SPPL3: variants seen among roughly 807,000 people sequenced by gnomAD.
The protein encoded by SPPL3 is signal peptide peptidase-like 3.
In SPPL3, 5 loss-of-function variants were observed where a neutral mutation model predicts 42.4. The observed-to-expected ratio is 0.12, with a 90% CI of 0.06 to 0.25. The LOEUF (loss-of-function observed/expected upper bound fraction) is 0.25. Ranked by LOEUF, SPPL3 falls within the 10% of genes least tolerant of loss-of-function variation. The pLI, the probability that SPPL3 is intolerant of heterozygous loss-of-function variation, is 1.00. For synonymous variants in SPPL3, 195 were observed against 181.8 expected, an observed-to-expected ratio of 1.07 and a Z score of -0.58; for missense variants, 235 against 489.0, an observed-to-expected ratio of 0.48 and a Z score of 4.90.
At chr12:120,817,759 C>A (rs1870929605) in intron 1 of SPPL3, among the ~76,000 whole-genome samples, 1 of 152,186 alleles carries the variant, frequency 6.6e-6, no homozygotes, top group Admixed American at 6.5e-5. Flanking sequence ...TAAAAATGAG[C>A]ACAGAGCGGT....
At position 120,895,291 on chromosome 12, in the gene SPPL3, T is replaced by C. The variant is rs114373992; in HGVS notation, c.23+8554A>G. On this transcript the variant is annotated intron_variant, in intron 1 of 10. Coordinates refer to ENST00000353487, the MANE Select transcript of SPPL3 (RefSeq NM_139015.5). The stretch of plus-strand genomic sequence containing the variant: ...AAAAATACAAAATTAGCCGCGTGTA[T>C]TGGCGCGCAGCTATAAACCCAGCTA... Among the ~76,000 whole-genome samples the C allele has an allele frequency of 5.9e-3, 892 of 151,554 alleles. 12 individuals are homozygous for C. The highest frequency in any genetic ancestry group is 0.019 in the African/African-American group (805 of 41,284).
At position 120,880,311 on chromosome 12, in the gene SPPL3, C is replaced by T. The variant is rs550991421; in HGVS notation, c.23+23534G>A. ...AAAAACATACAAATAAGAGCTAAAA[C>T]TAAAAACCCTTAGAAGAAAAAAGAG... is the stretch of plus-strand genomic sequence containing the variant. On this transcript the variant is annotated intron_variant, in intron 1 of 10. Coordinates refer to ENST00000353487, the MANE Select transcript of SPPL3 (RefSeq NM_139015.5). Among the ~76,000 whole-genome samples the T allele has an allele frequency of 4.6e-5, 7 of 152,022 alleles. No homozygotes were observed. The South Asian group carries it at 1.5e-3, about 32-fold the overall frequency.
chr12:120,831,097 T>G lies in SPPL3; in HGVS notation c.24-20211A>C, dbSNP rs139645003. 1.6e-3 allele frequency among the ~76,000 whole-genome samples: 246 copies of G among 151,896 alleles called. 6 individuals carry two copies. Among genetic ancestry groups the G allele is most frequent in the Admixed American group, 0.012 (190 of 15,264 alleles). On this transcript the variant is annotated intron_variant, in intron 1 of 10. Coordinates refer to ENST00000353487, the MANE Select transcript of SPPL3 (RefSeq NM_139015.5). Reference sequence around the variant, plus strand: ...TCTCTCTCTCTCTCTCTCCTTGAGGTGAAACATTCAACTTCGGTCCTTAGA... The same window carrying G: ...TCTCTCTCTCTCTCTCTCCTTGAGGGGAAACATTCAACTTCGGTCCTTAGA...
At chr12:120,844,113 G>A (rs1871935899) in intron 1 of SPPL3, among the ~76,000 whole-genome samples, 1 of 152,092 alleles carries the variant, frequency 6.6e-6, no homozygotes, top group African/African-American at 2.4e-5. Context: ...TGGCTAATAG[G>A]TATCTTAAAC....
intron 8 of SPPL3, among the ~76,000 whole-genome samples, chr12:120,767,800 CT>C (rs1394920101): frequency 6.6e-6 from 1 of 152,066 alleles, no homozygotes; most frequent in African/African-American, 2.4e-5. Context: ...CTTGGCCCCC[CT>C]GTTTCAGGAG....
chr12:120,786,641 A>C (rs1869731451), intron 3 of SPPL3, among the ~76,000 whole-genome samples: 1 of 152,008 alleles, frequency 6.6e-6, no homozygotes, highest in African/African-American at 2.4e-5. Context: ...TATTAGATAG[A>C]ATGCACAGAT....
At chr12:120,853,863 T>G (rs1032063316) in intron 1 of SPPL3, among the ~76,000 whole-genome samples, 1 of 152,046 alleles carries the variant, frequency 6.6e-6, no homozygotes, top group Admixed American at 6.6e-5. Context: ...GAAAAACTAC[T>G]GAATATATTA....
At chr12:120,821,384 A>G (rs148984021) in intron 1 of SPPL3, among the ~76,000 whole-genome samples, 9 of 152,346 alleles carry the variant, frequency 5.9e-5, no homozygotes, top group African/African-American at 2.2e-4. Context: ...TGTGTTCAAC[A>G]CTGCAGCCGG....
chr12:120,828,833 T>C (rs1405170180), intron 1 of SPPL3, among the ~76,000 whole-genome samples: 2 of 152,196 alleles, frequency 1.3e-5, no homozygotes, highest in East Asian at 1.9e-4. Flanking sequence ...CACAGCTCAC[T>C]ACAGCTTCGA....
In SPPL3 at chr12:120,904,306, G is replaced by C. The variant is rs1168336091; in HGVS notation, c.-439C>G. ...GGCGGGCGGAGGCGGCGGCGACTGA[G>C]GGGGGCGCTAGGCGATGAGGCGAGG... On this transcript the variant is annotated 5_prime_UTR_variant, in exon 1 of 11. Transcript: ENST00000353487. The C allele has an allele frequency of 6.0e-6, 1 of 166,084 alleles. No individual in the cohort carries two copies. The highest frequency in any genetic ancestry group is 1.8e-4 in the East Asian group (1 of 5,634). The allele number at this position is 166,084 out of a possible 1,614,324, so 10.3% of individuals were successfully genotyped here.
intron 1 of SPPL3, among the ~76,000 whole-genome samples, chr12:120,856,690 C>T (rs1872471895): frequency 6.6e-6 from 1 of 151,758 alleles, no homozygotes; most frequent in South Asian, 2.1e-4. Flanking sequence ...AAAATCTGCA[C>T]CTACAACAAA....
chr12:120,825,178 T>C (rs1871202548), intron 1 of SPPL3, among the ~76,000 whole-genome samples: 1 of 152,156 alleles, frequency 6.6e-6, no homozygotes, highest in Admixed American at 6.5e-5. Flanking sequence ...TCCAGAACAA[T>C]GTTCACAAAT....
intron 1 of SPPL3, chr12:120,903,508 T>C: frequency 2.9e-6 from 1 of 346,754 alleles, no homozygotes; most frequent in Non-Finnish European, 5.4e-6. Context: ...CACGAGTCAG[T>C]TCCGGGGTGC....
chr12:120,827,352 TAATATA>T (rs974273688), intron 1 of SPPL3, among the ~76,000 whole-genome samples: 8 of 141,280 alleles, frequency 5.7e-5, no homozygotes, highest in South Asian at 2.2e-4. Context: ...ATAATAATAA[TAATATA>T]ATAATATAAT....
At chr12:120,775,087 G>A (rs1013573927) in intron 6 of SPPL3, among the ~76,000 whole-genome samples, 1 of 151,986 alleles carries the variant, frequency 6.6e-6, no homozygotes, top group African/African-American at 2.4e-5. Flanking sequence ...GCTCACATTC[G>A]CGATACAGGC....
chr12:120,883,331 C>T (rs1873351384), intron 1 of SPPL3, among the ~76,000 whole-genome samples: 2 of 152,020 alleles, frequency 1.3e-5, no homozygotes, highest in Non-Finnish European at 2.9e-5. Context: ...AAACAAAAAA[C>T]AAACTTAATT....
intron 3 of SPPL3, among the ~76,000 whole-genome samples, chr12:120,787,408 C>T (rs558002018): frequency 4.6e-5 from 7 of 152,172 alleles, no homozygotes; most frequent in African/African-American, 1.4e-4. Flanking sequence ...ACTGATGTGC[C>T]ATGGGAAAAT....
At chr12:120,804,043 G>A (rs758894504) in intron 2 of SPPL3, among the ~76,000 whole-genome samples, 2 of 152,154 alleles carry the variant, frequency 1.3e-5, no homozygotes, top group East Asian at 1.9e-4. Context: ...AAAGAACTCA[G>A]CATCTCTGCA....
intron 1 of SPPL3, among the ~76,000 whole-genome samples, chr12:120,851,742 T>C (rs998073010): frequency 2.0e-5 from 3 of 152,126 alleles, no homozygotes; most frequent in African/African-American, 7.2e-5. Flanking sequence ...TAGCTGGGAC[T>C]ACAGGTGAGC....
Sources: allele counts gnomAD v4.1 joint callset (sites outside exome capture counted in the v4.1 genomes callset), GRCh38; gene constraint gnomAD v4.1.1; transcripts MANE v1.5; gene names NCBI Gene and HGNC (gene_info 2026-07-23, HGNC 2026-07-21).